The following DENND2B variants were observed in gnomAD, a reference collection of about 807,000 sequenced individuals.
DENND2B encodes DENN domain containing 2B, also known as DENN domain-containing protein 2B.
A neutral mutation model predicts 116.0 loss-of-function variants in DENND2B; 32 were observed. The observed-to-expected ratio is 0.28, with a 90% CI of 0.21 to 0.37. DENND2B has a LOEUF of 0.37. Ranked by LOEUF, DENND2B falls within the 10% of genes least tolerant of loss-of-function variation. The probability of loss-of-function intolerance (pLI) is 1.00; values close to 1 mark genes in which losing one functional copy is unlikely to be tolerated. For synonymous variants in DENND2B, 588 were observed against 583.9 expected, an observed-to-expected ratio of 1.01 and a Z score of -0.10; for missense variants, 1,276 against 1,477.7, an observed-to-expected ratio of 0.86 and a Z score of 2.24.
At chr11:8,807,053 C>T (rs2060926715) in intron 1 of DENND2B, among the ~76,000 whole-genome samples, 1 of 152,204 alleles carries the variant, frequency 6.6e-6, no homozygotes, top group Admixed American at 6.5e-5. Flanking sequence ...ACACACCCTC[C>T]TCCCAAGCCC....
intron 15 of DENND2B, 115 bp downstream of exon 15, chr11:8,699,098 C>A: frequency 1.2e-5 from 19 of 1,523,982 alleles, no homozygotes; most frequent in Non-Finnish European, 1.7e-5. Context: ...CGGGGATAGA[C>A]CTCCCAGGGA....
At chr11:8,910,156 A>G (rs919018615) in intron 1 of DENND2B, among the ~76,000 whole-genome samples, 5 of 151,578 alleles carry the variant, frequency 3.3e-5, no homozygotes, top group African/African-American at 4.9e-5. Context: ...GGGGAGAGAG[A>G]GCTGCGCTGA....
chr11:8,744,382 C>T (rs1036180000), intron 2 of DENND2B, among the ~76,000 whole-genome samples: 3 of 152,112 alleles, frequency 2.0e-5, no homozygotes, highest in Non-Finnish European at 2.9e-5. Flanking sequence ...GATCCACCCG[C>T]CTCGGCCTCC....
chr11:8,700,207 G>A (rs1189704323), intron 14 of DENND2B, among the ~76,000 whole-genome samples: 1 of 152,212 alleles, frequency 6.6e-6, no homozygotes, highest in Non-Finnish European at 1.5e-5. Context: ...GCAGTCAGGG[G>A]CTTTGTTGGC....
chr11:8,881,810 G>A (rs1006486167), intron 1 of DENND2B, among the ~76,000 whole-genome samples: 2 of 152,148 alleles, frequency 1.3e-5, no homozygotes, highest in East Asian at 1.9e-4. Flanking sequence ...CTCCCAAAGC[G>A]CTGGGATTAC....
At chr11:8,874,441 T>C (rs1191122018), upstream of DENND2B, among the ~76,000 whole-genome samples, 1 of 152,222 alleles carries the variant, frequency 6.6e-6, no homozygotes, top group African/African-American at 2.4e-5. Flanking sequence ...AATCCTGCAC[T>C]TAAGCATGGT....
At chr11:8,806,605 A>AACACACACACACACAC (rs71059180) in intron 1 of DENND2B, among the ~76,000 whole-genome samples, 10,226 of 118,418 alleles carry the variant, frequency 0.086, 619 homozygotes, top group South Asian at 0.15. Flanking sequence ...CTCCCTTCAA[A>AACACACACACACACAC]ACACACACAC....
intron 9 of DENND2B, chr11:8,711,753 G>C (rs896573660): frequency 3.7e-6 from 1 of 269,052 alleles, no homozygotes; most frequent in Non-Finnish European, 7.6e-6. Context: ...TGTAATCCCA[G>C]CTACTTGGGA....
intron 4 of DENND2B, among the ~76,000 whole-genome samples, chr11:8,817,661 T>C (rs2061615212): frequency 6.6e-6 from 1 of 152,140 alleles, no homozygotes; most frequent in South Asian, 2.1e-4. Flanking sequence ...TCTCCTTCAG[T>C]CTGCCAGTCA....
chr11:8,715,836 A>C lies in DENND2B; in HGVS notation c.1630-18T>G, dbSNP rs201830551. ...AGGGAAAGCTGGCGTGGGGGAGAGG[A>C]CGTGCGAGAGGGGCTTGCCACAGAG... On this transcript the variant is annotated intron_variant, in intron 5 of 19. Transcript: ENST00000313726. 2.0e-5 allele frequency: 32 copies of C among 1,581,820 alleles called. No homozygotes were observed. The East Asian group carries it at 6.3e-4, about 31-fold the overall frequency.
chr11:8,721,137 A>G (rs1336091442), intron 4 of DENND2B, among the ~76,000 whole-genome samples: 2 of 152,102 alleles, frequency 1.3e-5, no homozygotes, highest in Non-Finnish European at 2.9e-5. Flanking sequence ...ATAAGGGACA[A>G]AAGGCATCAC....
chr11:8,847,574 C>G (rs890462896), intron 3 of DENND2B, among the ~76,000 whole-genome samples: 1 of 151,972 alleles, frequency 6.6e-6, no homozygotes, highest in Non-Finnish European at 1.5e-5. Context: ...CAAAGCTTAA[C>G]GATAGAAAAG....
chr11:8,734,022 C>T (rs2048543590), intron 2 of DENND2B, among the ~76,000 whole-genome samples: 2 of 152,212 alleles, frequency 1.3e-5, no homozygotes, highest in Admixed American at 6.5e-5. Flanking sequence ...CACTGTACCA[C>T]AGAGGAACCT....
At chr11:8,763,216 A>G (rs2055005110) in intron 1 of DENND2B, among the ~76,000 whole-genome samples, 1 of 152,222 alleles carries the variant, frequency 6.6e-6, no homozygotes, top group South Asian at 2.1e-4. Flanking sequence ...ACTGGAATGG[A>G]TAAAATGAAA....
intron 1 of DENND2B, among the ~76,000 whole-genome samples, chr11:8,805,414 C>A (rs962027716): frequency 6.6e-6 from 1 of 152,290 alleles, no homozygotes. Flanking sequence ...GTCAGTTCCT[C>A]GAACAAAACT....
intron 2 of DENND2B, among the ~76,000 whole-genome samples, chr11:8,734,650 G>A (rs1009487645): frequency 2.6e-5 from 4 of 151,970 alleles, no homozygotes; most frequent in African/African-American, 4.8e-5. Context: ...TTAGCTGGGC[G>A]TGGTGGCAGG....
chr11:8,850,218 G>A (rs1400494283), intron 3 of DENND2B, among the ~76,000 whole-genome samples: 6 of 152,112 alleles, frequency 3.9e-5, no homozygotes, highest in Admixed American at 3.9e-4. Flanking sequence ...AAGACAAACT[G>A]TGAAAAACAT....
intron 2 of DENND2B, among the ~76,000 whole-genome samples, chr11:8,743,867 C>T (rs1297388579): frequency 6.6e-6 from 1 of 151,914 alleles, no homozygotes; most frequent in Non-Finnish European, 1.5e-5. Context: ...CCACCTCAGC[C>T]TCCAGAGGAG....
chr11:8,832,210 T>C (rs1261986177), intron 4 of DENND2B, among the ~76,000 whole-genome samples: 4 of 151,968 alleles, frequency 2.6e-5, no homozygotes, highest in African/African-American at 7.3e-5. Flanking sequence ...CCCAGCACTA[T>C]TGGAAGCCGA....
Sources: gnomAD v4.1 joint callset for allele counts (sites outside exome capture counted in the v4.1 genomes callset) on GRCh38, gnomAD v4.1.1 for gene constraint, MANE v1.5 for transcripts, NCBI Gene and HGNC (gene_info 2026-07-23, HGNC 2026-07-21) for gene names.